SCMH1: variants seen among roughly 807,000 people sequenced by gnomAD.
The protein encoded by SCMH1 is polycomb protein SCMH1.
Under a neutral mutation model 70.8 loss-of-function variants are expected in SCMH1, and 37 were observed. That is an observed-to-expected ratio of 0.52 (90% CI 0.40 to 0.69). The LOEUF (loss-of-function observed/expected upper bound fraction) is 0.69. SCMH1 is among the 30% of genes least tolerant of loss of function. The pLI is 0.00. For synonymous variants in SCMH1, 292 were observed against 307.4 expected, an observed-to-expected ratio of 0.95 and a Z score of 0.52; for missense variants, 607 against 827.3, an observed-to-expected ratio of 0.73 and a Z score of 3.27.
At chr1:41,234,109 C>T (rs544065148) in intron 1 of SCMH1, among the ~76,000 whole-genome samples, 1 of 152,274 alleles carries the variant, frequency 6.6e-6, no homozygotes, top group South Asian at 2.1e-4. Flanking sequence ...TCTCCTCACC[C>T]TCTATCTGGT....
chr1:41,034,484 C>T (rs866974472), intron 13 of SCMH1, among the ~76,000 whole-genome samples: 2 of 152,076 alleles, frequency 1.3e-5, no homozygotes, highest in Non-Finnish European at 2.9e-5. Flanking sequence ...CCCACTACCA[C>T]GTCCGGCTAA....
chr1:41,059,668 T>C (rs1651859827), intron 10 of SCMH1, among the ~76,000 whole-genome samples: 1 of 152,222 alleles, frequency 6.6e-6, no homozygotes, highest in Non-Finnish European at 1.5e-5. Flanking sequence ...ACTTAAGCCA[T>C]CTGTAGATGG....
chr1:41,110,921 A>G (rs529417831), intron 8 of SCMH1, among the ~76,000 whole-genome samples: 1 of 152,328 alleles, frequency 6.6e-6, no homozygotes, highest in East Asian at 1.9e-4. Flanking sequence ...CGAGAATTCC[A>G]GTTTTTCCAC....
chr1:41,237,455 C>A (rs1344439895), intron 1 of SCMH1, among the ~76,000 whole-genome samples: 1 of 152,062 alleles, frequency 6.6e-6, no homozygotes, highest in African/African-American at 2.4e-5. Flanking sequence ...GAATTGATGC[C>A]TATACATTTT....
intron 5 of SCMH1, among the ~76,000 whole-genome samples, chr1:41,150,551 T>C (rs762817595): frequency 2.0e-5 from 3 of 152,280 alleles, no homozygotes; most frequent in African/African-American, 4.8e-5. Flanking sequence ...GTTGTCTTTT[T>C]AAATAAATTG....
intron 12 of SCMH1, among the ~76,000 whole-genome samples, chr1:41,039,173 G>A (rs1318903443): frequency 6.6e-6 from 1 of 152,220 alleles, no homozygotes; most frequent in Non-Finnish European, 1.5e-5. Flanking sequence ...ACTGGGGATA[G>A]TATTGTCTGC....
At chr1:41,120,556 G>A (rs1225231363) in intron 6 of SCMH1, among the ~76,000 whole-genome samples, 1 of 152,152 alleles carries the variant, frequency 6.6e-6, no homozygotes, top group Non-Finnish European at 1.5e-5. Context: ...CAGGGGCAAA[G>A]CAGAAATATT....
intron 6 of SCMH1, among the ~76,000 whole-genome samples, chr1:41,128,211 AATT>A: frequency 6.6e-6 from 1 of 152,030 alleles, no homozygotes; most frequent in East Asian, 1.9e-4. Context: ...GCTATTTTTG[AATT>A]ATTATATGTA....
intron 8 of SCMH1, among the ~76,000 whole-genome samples, chr1:41,110,633 T>C (rs1332465625): frequency 6.6e-6 from 1 of 152,252 alleles, no homozygotes; most frequent in East Asian, 1.9e-4. Flanking sequence ...ATTCCTTTTT[T>C]ATTGCCAATT....
chr1:41,132,930 T>C (rs972867436), intron 6 of SCMH1, among the ~76,000 whole-genome samples: 1 of 152,210 alleles, frequency 6.6e-6, no homozygotes, highest in African/African-American at 2.4e-5. Context: ...TGCCATGCTA[T>C]TCTGGTTACT....
At chr1:41,185,298 GT>G (rs1360831677) in intron 2 of SCMH1, among the ~76,000 whole-genome samples, 1 of 152,128 alleles carries the variant, frequency 6.6e-6, no homozygotes, top group Non-Finnish European at 1.5e-5. Flanking sequence ...GTGATAAAGT[GT>G]TATAACCTCC....
chr1:41,107,784 C>T (rs902826604), intron 8 of SCMH1, among the ~76,000 whole-genome samples: 2 of 152,210 alleles, frequency 1.3e-5, no homozygotes, highest in African/African-American at 4.8e-5. Context: ...TCCCAAAGTG[C>T]TGGGATTACA....
intron 10 of SCMH1, among the ~76,000 whole-genome samples, chr1:41,068,210 A>G (rs1426818817): frequency 6.6e-6 from 1 of 152,220 alleles, no homozygotes; most frequent in African/African-American, 2.4e-5. Flanking sequence ...GCAAGATGGC[A>G]AAAATGAAAA....
intron 5 of SCMH1, among the ~76,000 whole-genome samples, chr1:41,148,285 G>T (rs1644767492): frequency 6.6e-6 from 1 of 152,086 alleles, no homozygotes; most frequent in South Asian, 2.1e-4. Context: ...CTTTTACACA[G>T]ATTTAAATAA....
At chr1:41,197,176 C>T (rs1268632092) in intron 1 of SCMH1, among the ~76,000 whole-genome samples, 1 of 152,096 alleles carries the variant, frequency 6.6e-6, no homozygotes, top group Non-Finnish European at 1.5e-5. Context: ...TCATATGATC[C>T]AGCAATTCTA....
chr1:41,087,258 A>G (rs1179600278), intron 8 of SCMH1, among the ~76,000 whole-genome samples: 1 of 152,200 alleles, frequency 6.6e-6, no homozygotes, highest in Non-Finnish European at 1.5e-5. Context: ...ATAAAAAAGA[A>G]AAACAATATA....
At chr1:41,140,701 A>G (rs1643979467) in intron 6 of SCMH1, among the ~76,000 whole-genome samples, 1 of 152,142 alleles carries the variant, frequency 6.6e-6, no homozygotes, top group Admixed American at 6.5e-5. Context: ...GTCTCTAAAT[A>G]CCATTTCCCA....
intron 10 of SCMH1, among the ~76,000 whole-genome samples, chr1:41,061,697 T>A (rs991014961): frequency 6.6e-6 from 1 of 152,212 alleles, no homozygotes; most frequent in Admixed American, 6.5e-5. Flanking sequence ...AAGGACATAA[T>A]TGAACTCAAT....
intron 10 of SCMH1, among the ~76,000 whole-genome samples, chr1:41,063,199 C>T (rs1052604935): frequency 1.3e-5 from 2 of 151,698 alleles, no homozygotes; most frequent in Admixed American, 1.3e-4. Flanking sequence ...ACAGGCCAGG[C>T]GTGGTGGCTC....
Sources: allele counts gnomAD v4.1 joint callset (sites outside exome capture counted in the v4.1 genomes callset), GRCh38; gene constraint gnomAD v4.1.1; transcripts MANE v1.5; gene names NCBI Gene and HGNC (gene_info 2026-07-23, HGNC 2026-07-21).